PCDH11Y: variants seen among roughly 807,000 people sequenced by gnomAD.
PCDH11Y encodes the protein protocadherin 11 Y-linked, also known as protocadherin-11 Y-linked.
For missense variants in PCDH11Y, 12 were observed against 224.8 expected (o/e 0.05, Z 6.05); for synonymous variants, 9 against 83.6 (o/e 0.11, Z 4.87).
At chrY:5,354,598 C>G in intron 2 of PCDH11Y, among the ~76,000 whole-genome samples, 1 of 32,865 alleles carries the variant, frequency 3.0e-5, no homozygotes, top group Non-Finnish European at 7.4e-5. Flanking sequence ...CGCACACGCA[C>G]ACATACACAT....
intron 1 of PCDH11Y, among the ~76,000 whole-genome samples, chrY:5,071,011 A>G: frequency 3.2e-5 from 1 of 31,121 alleles, no homozygotes; most frequent in Non-Finnish European, 7.8e-5. Context: ...AGAAGTTAAA[A>G]ATCCGTATTT....
intron 2 of PCDH11Y, among the ~76,000 whole-genome samples, chrY:5,411,403 T>C: frequency 7.8e-5 from 2 of 25,577 alleles, no homozygotes; most frequent in Non-Finnish European, 1.8e-4. Context: ...ACTCTGTTCA[T>C]AGTTTCTTTT....
chrY:5,248,202 AG>A (rs2052999485), intron 2 of PCDH11Y, among the ~76,000 whole-genome samples: 1 of 26,193 alleles, frequency 3.8e-5, no homozygotes, highest in Non-Finnish European at 8.9e-5. Context: ...ATTGTAAAGG[AG>A]GGACTCCTCC....
chrY:5,645,293 A>G (rs2053526413), intron 4 of PCDH11Y, among the ~76,000 whole-genome samples: 1 of 33,031 alleles, frequency 3.0e-5, no homozygotes, highest in Non-Finnish European at 7.4e-5. Context: ...AATAAAATTC[A>G]TTCTTAATTC....
chrY:5,644,604 T>C (rs2053525469), intron 4 of PCDH11Y, among the ~76,000 whole-genome samples: 2 of 32,507 alleles, frequency 6.2e-5, no homozygotes, highest in Non-Finnish European at 1.5e-4. Context: ...GAGGCTGAGG[T>C]GGGTGGATCA....
chrY:5,224,697 AG>A, intron 2 of PCDH11Y, among the ~76,000 whole-genome samples: 1 of 32,911 alleles, frequency 3.0e-5, no homozygotes, highest in Non-Finnish European at 7.5e-5. Context: ...CCTTAATTAA[AG>A]TAATTAATGA....
At chrY:5,421,484 A>T in intron 2 of PCDH11Y, among the ~76,000 whole-genome samples, 1 of 31,677 alleles carries the variant, frequency 3.2e-5, no homozygotes, top group African/African-American at 1.2e-4. Context: ...ACTGCTGATG[A>T]ATATTGATGA....
intron 2 of PCDH11Y, among the ~76,000 whole-genome samples, chrY:5,374,411 ATG>A (rs374854005): frequency 8.1e-4 from 21 of 25,801 alleles, no homozygotes; most frequent in South Asian, 4.3e-3. Flanking sequence ...CTCTCTCTCT[ATG>A]TGTGTGTGTG....
chrY:5,341,262 C>T (rs2053144549), intron 2 of PCDH11Y, among the ~76,000 whole-genome samples: 2 of 31,900 alleles, frequency 6.3e-5, no homozygotes, highest in South Asian at 7.2e-4. Flanking sequence ...TGTGCCACCA[C>T]GCCTAGCAAA....
chrY:5,347,677 T>G, intron 2 of PCDH11Y, among the ~76,000 whole-genome samples: 1 of 32,819 alleles, frequency 3.0e-5, no homozygotes, highest in Admixed American at 2.9e-4. Context: ...TATGTAAACT[T>G]CTTCTGTAAT....
intron 2 of PCDH11Y, among the ~76,000 whole-genome samples, chrY:5,449,140 C>G: frequency 3.1e-5 from 1 of 31,855 alleles, no homozygotes; most frequent in Non-Finnish European, 7.6e-5. Context: ...GTTCCCCTTA[C>G]CCTTGTTGTT....
chrY:5,522,654 G>A (rs2053382626), intron 3 of PCDH11Y, among the ~76,000 whole-genome samples: 1 of 33,802 alleles, frequency 3.0e-5, no homozygotes, highest in Non-Finnish European at 7.3e-5. Flanking sequence ...ACGTGGTTTG[G>A]CATTCTGTTT....
intron 2 of PCDH11Y, among the ~76,000 whole-genome samples, chrY:5,487,051 C>A (rs2053334073): frequency 3.8e-5 from 1 of 26,285 alleles, no homozygotes; most frequent in Non-Finnish European, 8.6e-5. Context: ...CGAACCTGGC[C>A]CATTCATTTA....
intron 4 of PCDH11Y, among the ~76,000 whole-genome samples, chrY:5,692,318 G>T (rs377148944): frequency 6.1e-5 from 2 of 32,670 alleles, no homozygotes; most frequent in Non-Finnish European, 1.5e-4. Context: ...GCTGTATTAG[G>T]AATGAGGAAA....
chrY:5,285,997 G>A (rs2053059846), intron 2 of PCDH11Y, among the ~76,000 whole-genome samples: 1 of 33,588 alleles, frequency 3.0e-5, no homozygotes, highest in Non-Finnish European at 7.4e-5. Context: ...GTGCAGAATT[G>A]TATTGCCTCA....
At chrY:5,595,552 T>G in intron 4 of PCDH11Y, among the ~76,000 whole-genome samples, 1 of 31,210 alleles carries the variant, frequency 3.2e-5, no homozygotes, top group Non-Finnish European at 7.8e-5. Flanking sequence ...TTGTTTTCAT[T>G]AACCTGTGAA....
intron 3 of PCDH11Y, among the ~76,000 whole-genome samples, chrY:5,538,641 C>A (rs2053402806): frequency 3.1e-5 from 1 of 32,403 alleles, no homozygotes; most frequent in Admixed American, 2.8e-4. Flanking sequence ...GTTTGTTGTG[C>A]CTTTTTCTCA....
chrY:5,299,355 A>G, intron 2 of PCDH11Y, among the ~76,000 whole-genome samples: 1 of 33,680 alleles, frequency 3.0e-5, no homozygotes, highest in Non-Finnish European at 7.4e-5. Flanking sequence ...TAATTTCATG[A>G]GTAATGAATC....
intron 2 of PCDH11Y, among the ~76,000 whole-genome samples, chrY:5,245,816 G>C: frequency 3.1e-5 from 1 of 32,164 alleles, no homozygotes; most frequent in African/African-American, 1.2e-4. Context: ...CCAGTGCAAA[G>C]AAGCTAAGAA....
Sources: gnomAD v4.1 joint callset for allele counts (sites outside exome capture counted in the v4.1 genomes callset) on GRCh38, gnomAD v4.1.1 for gene constraint, MANE v1.5 for transcripts, NCBI Gene and HGNC (gene_info 2026-07-23, HGNC 2026-07-21) for gene names.